The following NFIB variants were observed in gnomAD, a reference collection of about 807,000 sequenced individuals.
The protein encoded by NFIB is nuclear factor 1 B-type.
A neutral mutation model predicts 61.5 loss-of-function variants in NFIB; 11 were observed. The ratio of observed to expected loss-of-function variants is 0.18; its 90% CI spans 0.11 to 0.30. The LOEUF (loss-of-function observed/expected upper bound fraction) is 0.30, where lower values mean the gene tolerates loss of function less well. Among genes scored for constraint, NFIB ranks in the 10% least tolerant of loss-of-function variants. The pLI, the probability that NFIB is intolerant of heterozygous loss-of-function variation, is 1.00. For synonymous variants in NFIB, 260 were observed against 216.5 expected (o/e 1.20, Z -1.76); for missense variants, 471 against 608.9 (o/e 0.77, Z 2.38).
chr9:14,186,357 C>A (rs764182385), intron 2 of NFIB, among the ~76,000 whole-genome samples: 11 of 152,042 alleles, frequency 7.2e-5, no homozygotes, highest in Non-Finnish European at 1.5e-4. Context: ...AGCCCATTGT[C>A]AATGAAAGAA....
the NFIB span, among the ~76,000 whole-genome samples, chr9:14,518,525 G>A: frequency 6.6e-6 from 1 of 151,454 alleles, no homozygotes; most frequent in African/African-American, 2.4e-5. Flanking sequence ...ATAGCCTAGT[G>A]GGAAACAAAA....
intron 2 of NFIB, among the ~76,000 whole-genome samples, chr9:14,196,807 G>A (rs774547948): frequency 6.6e-5 from 10 of 151,914 alleles, no homozygotes; most frequent in South Asian, 2.1e-4. Context: ...TTCTTAGGCC[G>A]TTTATGTAAT....
intron 6 of NFIB, among the ~76,000 whole-genome samples, chr9:14,144,460 G>T (rs1281185060): frequency 6.6e-6 from 1 of 152,064 alleles, no homozygotes; most frequent in African/African-American, 2.4e-5. Flanking sequence ...TTTGTTTTTC[G>T]TTTCACTTCT....
chr9:14,291,886 T>G (rs1309146243), intron 2 of NFIB, among the ~76,000 whole-genome samples: 1 of 152,054 alleles, frequency 6.6e-6, no homozygotes, highest in Non-Finnish European at 1.5e-5. Flanking sequence ...TTTTAATGGG[T>G]CCTTTCTGTT....
chr9:14,164,468 A>T lies in NFIB; in HGVS notation c.617-8575T>A, dbSNP rs2044559016. On this transcript the variant is annotated intron_variant, in intron 3 of 10. Coordinates refer to ENST00000380953, the MANE Select transcript of NFIB (RefSeq NM_001190737.2). ...GACAATGGTATGTGTGTATCTAAAC[A>T]TATCTGAACATAGCAAAGGTACCAT... is the stretch of plus-strand genomic sequence containing the variant. Among the ~76,000 whole-genome samples, 4 of 152,252 alleles carry T rather than the reference A, an allele frequency of 2.6e-5. No homozygotes were observed. In the South Asian group the frequency reaches 8.3e-4, roughly 32 times the overall value.
At chr9:14,372,055 T>C (rs771298312) in intron 1 of NFIB, among the ~76,000 whole-genome samples, 2 of 151,100 alleles carry the variant, frequency 1.3e-5, no homozygotes, top group Non-Finnish European at 2.9e-5. Flanking sequence ...CATGAGTTGG[T>C]AAGGACCATC....
chr9:14,408,904 T>C, the NFIB span, among the ~76,000 whole-genome samples: 1 of 152,198 alleles, frequency 6.6e-6, no homozygotes, highest in East Asian at 1.9e-4. Flanking sequence ...TTGCAGGTGA[T>C]AAAACTGAGG....
chr9:14,357,551 T>G (rs1208332559), intron 1 of NFIB: 1 of 152,214 alleles, frequency 6.6e-6, no homozygotes, highest in East Asian at 1.9e-4. Context: ...TTCAAGAGGT[T>G]TGAAATTCTA....
At chr9:14,134,177 T>C (rs962740891) in intron 6 of NFIB, among the ~76,000 whole-genome samples, 1 of 152,210 alleles carries the variant, frequency 6.6e-6, no homozygotes, top group Non-Finnish European at 1.5e-5. Context: ...TTGAAATTGC[T>C]TATAGAGCCA....
intron 2 of NFIB, among the ~76,000 whole-genome samples, chr9:14,206,092 G>A (rs115215308): frequency 6.6e-6 from 1 of 151,862 alleles, no homozygotes; most frequent in East Asian, 1.9e-4. Flanking sequence ...TTTAATAATG[G>A]GCCACTCTTA....
At chr9:14,378,439 C>T (rs1265607714) in intron 1 of NFIB, among the ~76,000 whole-genome samples, 1 of 152,222 alleles carries the variant, frequency 6.6e-6, no homozygotes, top group Non-Finnish European at 1.5e-5. Flanking sequence ...TCACTGCAAC[C>T]TCCGCCTCCC....
chr9:14,449,480 C>T, the NFIB span, among the ~76,000 whole-genome samples: 1 of 152,112 alleles, frequency 6.6e-6, no homozygotes, highest in Non-Finnish European at 1.5e-5. Flanking sequence ...ATTCTAAAGA[C>T]AGTCGGAAAT....
At chr9:14,360,295 T>G (rs1427166066) in intron 1 of NFIB, among the ~76,000 whole-genome samples, 1 of 152,210 alleles carries the variant, frequency 6.6e-6, no homozygotes, top group African/African-American at 2.4e-5. Context: ...GTAAGAAATT[T>G]GGTATAGCCC....
At chr9:14,286,338 G>C (rs1490260949) in intron 2 of NFIB, among the ~76,000 whole-genome samples, 4 of 152,236 alleles carry the variant, frequency 2.6e-5, no homozygotes, top group East Asian at 1.9e-4. Context: ...GCAGAGTCCA[G>C]AAATACATCC....
At chr9:14,134,003 T>G (rs1324773496) in intron 6 of NFIB, among the ~76,000 whole-genome samples, 1 of 152,128 alleles carries the variant, frequency 6.6e-6, no homozygotes, top group African/African-American at 2.4e-5. Flanking sequence ...CCCTCTCAAT[T>G]TCTCCATTTT....
At chr9:14,318,505 C>CTTTTTTTTT (rs34481505), upstream of NFIB, among the ~76,000 whole-genome samples, 39 of 66,842 alleles carry the variant, frequency 5.8e-4, no homozygotes, top group Admixed American at 1.1e-3. Context: ...CACTCGATGC[C>CTTTTTTTTT]TTTTTTTTTT....
the NFIB span, among the ~76,000 whole-genome samples, chr9:14,519,667 G>T: frequency 6.6e-5 from 10 of 152,104 alleles, no homozygotes; most frequent in Non-Finnish European, 1.3e-4. Flanking sequence ...TTAGCATGAG[G>T]ACCCAATATA....
chr9:14,504,579 A>C, the NFIB span, among the ~76,000 whole-genome samples: 19 of 151,762 alleles, frequency 1.3e-4, no homozygotes, highest in Middle Eastern at 3.4e-3. Context: ...TATTTTATTT[A>C]TTTTTTTGCA....
intron 10 of NFIB, chr9:14,096,300 T>C (rs1275846990): frequency 6.6e-6 from 1 of 152,180 alleles, no homozygotes; most frequent in Non-Finnish European, 1.5e-5. Context: ...CCCTCTCCAG[T>C]AGCGCTGCCA....
Sources: gnomAD v4.1 joint callset for allele counts (sites outside exome capture counted in the v4.1 genomes callset) on GRCh38, gnomAD v4.1.1 for gene constraint, MANE v1.5 for transcripts, NCBI Gene and HGNC (gene_info 2026-07-23, HGNC 2026-07-21) for gene names.